DIAPH2: variants seen among roughly 807,000 people sequenced by gnomAD.
DIAPH2 encodes protein diaphanous homolog 2.
In DIAPH2, 35 loss-of-function variants were observed where a neutral mutation model predicts 92.7. The observed-to-expected ratio is 0.38, with a 90% CI of 0.29 to 0.50. The LOEUF (loss-of-function observed/expected upper bound fraction) is 0.50, where lower values mean the gene tolerates loss of function less well. Ranked by LOEUF, DIAPH2 falls within the 20% of genes least tolerant of loss-of-function variation. The pLI is 0.94. For missense variants in DIAPH2, 701 were observed against 819.5 expected, an observed-to-expected ratio of 0.86 and a Z score of 1.77; for synonymous variants, 301 against 280.4, an observed-to-expected ratio of 1.07 and a Z score of -0.73.
intron 23 of DIAPH2, among the ~76,000 whole-genome samples, chrX:97,321,428 A>G (rs2068893141): frequency 9.0e-6 from 1 of 110,909 alleles, no homozygotes; most frequent in Admixed American, 9.8e-5. Flanking sequence ...TTATTGCAAA[A>G]TAAGTAATAT....
intron 25 of DIAPH2, among the ~76,000 whole-genome samples, chrX:97,410,072 G>A (rs769245263): frequency 2.7e-5 from 3 of 112,103 alleles, no homozygotes; most frequent in Non-Finnish European, 5.6e-5. Context: ...TCCTCAAGTG[G>A]GTCCCTGACC....
chrX:97,508,987 G>A (rs1157093836), intron 26 of DIAPH2, among the ~76,000 whole-genome samples: 1 of 107,056 alleles, frequency 9.3e-6, no homozygotes. Context: ...CAGATTACCC[G>A]ACTACCAAGA....
intron 9 of DIAPH2, 144 bp from the exon 10 acceptor site, chrX:96,930,589 G>T: frequency 5.0e-6 from 2 of 401,242 alleles, no homozygotes; most frequent in Non-Finnish European, 8.4e-6. Flanking sequence ...TATAATTAAA[G>T]TCATAATCAT....
In DIAPH2 at chrX:97,185,359, A is replaced by ATATATATG. The variant is rs1459214165; in HGVS notation, c.2719+43572_2719+43573insGTATATAT. ...TATATATGTATATATATATGTGTGTATATATATATGTATATATATATGTAT... is the reference window on the plus strand; with the variant it reads ...TATATATGTATATATATATGTGTGTATATATATGTATATATATGTATATATATATGTAT... On this transcript the variant is annotated intron_variant, in intron 22 of 26. Coordinates refer to ENST00000324765, the MANE Select transcript of DIAPH2 (RefSeq NM_006729.5). 1.3e-3 allele frequency among the ~76,000 whole-genome samples: 81 copies of ATATATATG among 60,135 alleles called. 4 individuals are homozygous for ATATATATG. The highest frequency in any genetic ancestry group is 1.8e-3 in the Non-Finnish European group (68 of 37,555). The allele number at this position is 60,135 out of a possible 115,157, so 52.2% of individuals were successfully genotyped here.
chrX:97,377,205 C>T (rs748569629), intron 24 of DIAPH2, among the ~76,000 whole-genome samples: 10 of 111,841 alleles, frequency 8.9e-5, no homozygotes, highest in African/African-American at 2.6e-4. Context: ...AGGACCTGCC[C>T]GAGGCCATTT....
At chrX:96,732,175 A>AT (rs1409184980) in intron 1 of DIAPH2, among the ~76,000 whole-genome samples, 1 of 111,321 alleles carries the variant, frequency 9.0e-6, no homozygotes, top group Admixed American at 9.6e-5. Flanking sequence ...AATGAAAAAA[A>AT]TTTTTTTGGT....
chrX:96,912,178 C>T, intron 5 of DIAPH2, 150 bp from the exon 6 acceptor site: 1 of 487,631 alleles, frequency 2.1e-6, no homozygotes, highest in South Asian at 3.5e-5. Flanking sequence ...CTCATAGAGT[C>T]AATACTTGAA....
intron 26 of DIAPH2, among the ~76,000 whole-genome samples, chrX:97,558,237 A>C (rs1238947109): frequency 3.6e-5 from 4 of 112,012 alleles, no homozygotes; most frequent in African/African-American, 1.3e-4. Context: ...ATGGTGGTGC[A>C]TACAGGGTGC....
chrX:97,371,362 T>C (rs184732774), intron 24 of DIAPH2, among the ~76,000 whole-genome samples: 401 of 111,480 alleles, frequency 3.6e-3, no homozygotes, highest in African/African-American at 0.012. Context: ...CTTTGTGGAA[T>C]TCAGGCAATA....
chrX:97,417,854 A>G (rs1295753414), intron 25 of DIAPH2, among the ~76,000 whole-genome samples: 2 of 109,553 alleles, frequency 1.8e-5, no homozygotes, highest in Non-Finnish European at 3.8e-5. Context: ...CCATACATAC[A>G]TACCTATGAT....
intron 4 of DIAPH2, among the ~76,000 whole-genome samples, chrX:96,778,380 G>A (rs1407083005): frequency 9.1e-6 from 1 of 110,247 alleles, no homozygotes; most frequent in East Asian, 2.9e-4. Flanking sequence ...TTAACATTAT[G>A]TTATATTTGC....
At chrX:97,490,362 T>G (rs1470891311) in intron 26 of DIAPH2, among the ~76,000 whole-genome samples, 1 of 110,069 alleles carries the variant, frequency 9.1e-6, no homozygotes, top group Non-Finnish European at 1.9e-5. Context: ...TCTGTTTCAC[T>G]GATTTTTTTT....
intron 26 of DIAPH2, among the ~76,000 whole-genome samples, chrX:97,573,168 T>C (rs962222297): frequency 9.0e-6 from 1 of 111,437 alleles, no homozygotes; most frequent in African/African-American, 3.3e-5. Flanking sequence ...CAAGCTCTAA[T>C]GGGAACCTGA....
intron 1 of DIAPH2, among the ~76,000 whole-genome samples, chrX:96,695,203 G>A (rs1569367756): frequency 8.9e-6 from 1 of 111,793 alleles, no homozygotes; most frequent in South Asian, 3.7e-4. Context: ...TGCCTGCCTC[G>A]GCCTCCCAAA....
At chrX:96,932,404 T>A (rs2065625158) in intron 10 of DIAPH2, among the ~76,000 whole-genome samples, 1 of 111,125 alleles carries the variant, frequency 9.0e-6, no homozygotes, top group African/African-American at 3.3e-5. Flanking sequence ...TCCTCATTTT[T>A]CAGAAAAGGT....
chrX:96,754,423 A>G (rs998454889), intron 3 of DIAPH2, among the ~76,000 whole-genome samples: 4 of 112,200 alleles, frequency 3.6e-5, no homozygotes, highest in African/African-American at 1.3e-4. Context: ...ACAGCCTAGC[A>G]TAGTTTCTGG....
At chrX:97,188,252 T>C (rs761485391) in intron 22 of DIAPH2, among the ~76,000 whole-genome samples, 3 of 111,722 alleles carry the variant, frequency 2.7e-5, no homozygotes, top group Non-Finnish European at 5.6e-5. Flanking sequence ...TTTAGAATAC[T>C]AGGGAGTAAA....
At chrX:97,182,160 G>A (rs1221370094) in intron 22 of DIAPH2, among the ~76,000 whole-genome samples, 3 of 111,024 alleles carry the variant, frequency 2.7e-5, no homozygotes, top group Non-Finnish European at 5.7e-5. Context: ...ATGGCTTGTG[G>A]GGGCTAGGCA....
At chrX:97,164,727 A>G (rs1374846396) in intron 22 of DIAPH2, among the ~76,000 whole-genome samples, 1 of 112,437 alleles carries the variant, frequency 8.9e-6, no homozygotes, top group Admixed American at 9.4e-5. Context: ...GAAATAAATT[A>G]AAATTCTCTT....
Sources: allele counts gnomAD v4.1 joint callset (sites outside exome capture counted in the v4.1 genomes callset), GRCh38; gene constraint gnomAD v4.1.1; transcripts MANE v1.5; gene names NCBI Gene and HGNC (gene_info 2026-07-23, HGNC 2026-07-21).